DOT1L: variants seen among roughly 807,000 people sequenced by gnomAD.
DOT1L encodes histone-lysine N-methyltransferase, H3 lysine-79 specific.
Under a neutral mutation model 153.3 loss-of-function variants are expected in DOT1L, and 33 were observed. That is an observed-to-expected ratio of 0.22 (90% CI 0.16 to 0.29). DOT1L has a LOEUF of 0.29. Ranked by LOEUF, DOT1L falls within the 10% of genes least tolerant of loss-of-function variation. The pLI is 1.00. For missense variants in DOT1L, 1,847 were observed against 2,119.9 expected, an observed-to-expected ratio of 0.87 and a Z score of 2.53; for synonymous variants, 1,135 against 965.1, an observed-to-expected ratio of 1.18 and a Z score of -3.26.
intron 16 of DOT1L, 191 bp from the exon 17 acceptor site, chr19:2,213,348 C>A: frequency 1.8e-6 from 1 of 554,584 alleles, no homozygotes; most frequent in South Asian, 2.2e-5. Flanking sequence ...TGCAGTGAAC[C>A]TGATGCAGAG....
At chr19:2,216,070 C>T in intron 19 of DOT1L, 1 of 581,184 alleles carries the variant, frequency 1.7e-6, no homozygotes, top group Non-Finnish European at 2.9e-6. Context: ...GCTTCCATGT[C>T]AGCAAAAACC....
chr19:2,185,400 C>T (rs779544758), intron 2 of DOT1L, among the ~76,000 whole-genome samples: 7 of 152,144 alleles, frequency 4.6e-5, no homozygotes, highest in Admixed American at 3.3e-4. Context: ...TTTGAAGTCA[C>T]GCCTCCCTTC....
chr19:2,165,436 C>A (rs1427375321), intron 1 of DOT1L, among the ~76,000 whole-genome samples: 1 of 152,208 alleles, frequency 6.6e-6, no homozygotes, highest in African/African-American at 2.4e-5. Context: ...GGCCGCACGT[C>A]CCGCGCGCGG....
intron 2 of DOT1L, among the ~76,000 whole-genome samples, chr19:2,181,677 T>TC (rs987136133): frequency 6.6e-6 from 1 of 152,188 alleles, no homozygotes; most frequent in African/African-American, 2.4e-5. Flanking sequence ...GGGGCCCCTC[T>TC]GTTCTTTGTA....
intron 1 of DOT1L, among the ~76,000 whole-genome samples, chr19:2,173,998 G>C (rs764075146): frequency 5.9e-5 from 9 of 152,204 alleles, no homozygotes; most frequent in Non-Finnish European, 1.3e-4. Flanking sequence ...TGTCACCCGG[G>C]CTGGAGTATT....
In DOT1L at chr19:2,231,073, G is replaced by A. The variant is rs770229072; in HGVS notation, c.*1281G>A. 4.3e-6 allele frequency: 1 copy of A among 233,080 alleles called. No homozygotes were observed. Among genetic ancestry groups the A allele is most frequent in the Non-Finnish European group, 8.5e-6 (1 of 118,196 alleles). The allele number at this position is 233,080 out of a possible 1,614,324, so 14.4% of individuals were successfully genotyped here. ...TGTGGAAGGAGAGGAGCTGAGGCCG[G>A]GGTGTAGCAGGCAGGCAGGGCCACT... On this transcript the variant is annotated 3_prime_UTR_variant, in exon 28 of 28. Transcript: ENST00000398665.
chr19:2,216,027 T>G, intron 19 of DOT1L: 1 of 477,152 alleles, frequency 2.1e-6, no homozygotes, highest in Non-Finnish European at 3.7e-6. Flanking sequence ...CGAGAGCTCT[T>G]TGTATCTTCC....
chr19:2,216,808 C>T (rs2144870794), intron 20 of DOT1L, 43 bp downstream of exon 20: 3 of 1,561,500 alleles, frequency 1.9e-6, no homozygotes, highest in Non-Finnish European at 2.6e-6. Context: ...CTGGTACCTG[C>T]CGACTCTGCC....
At position 2,226,927 on chromosome 19, in the gene DOT1L, C is replaced by G; in HGVS notation, c.4406C>G (p.Pro1469Arg). 1 of 1,581,722 alleles carries G rather than the reference C, an allele frequency of 6.3e-7. No homozygotes were observed. Among genetic ancestry groups the G allele is most frequent in the Non-Finnish European group, 8.5e-7 (1 of 1,172,594 alleles). ...CACCGGTCCTTCCTGGGCCCCTTCC[C>G]GCCGGGACCGCAGTTCGCGCTCGGC... ...QTHRSFLGPF[P>R]PGPQFALGPM... The change falls in exon 27 of 28, where the codon CCG becomes CGG. Residue 1469 changes from proline (P) to arginine (R), a missense_variant. Pro to Arg is a moderately radical substitution (Grantham distance 103, BLOSUM62 -2). Transcript: ENST00000398665.
In DOT1L at chr19:2,222,123, C is replaced by G; in HGVS notation, c.2954C>G (p.Pro985Arg). The G allele has an allele frequency of 6.2e-7, 1 of 1,613,274 alleles. No homozygotes were observed. Among genetic ancestry groups the G allele is most frequent in the Non-Finnish European group, 8.5e-7 (1 of 1,179,900 alleles). Residue 985 changes from proline to arginine, a missense_variant, in exon 24 of 28, where the codon CCA becomes CGA. Physicochemically the swap from Pro to Arg is moderately radical, Grantham distance 103. Coordinates refer to ENST00000398665, the MANE Select transcript of DOT1L (RefSeq NM_032482.3). The surrounding 1 kb of genome is among the most constrained non-coding windows in gnomAD (Gnocchi z 6.5). ...ACCGTGGGGTCCCGCAGCTCCACGCCACAGCACCCCCTGCTGCTGGCACAG... is the reference window on the plus strand; with the variant it reads ...ACCGTGGGGTCCCGCAGCTCCACGCGACAGCACCCCCTGCTGCTGGCACAG... ...FATVGSRSST[P>R]QHPLLLAQPR... is the part of the protein sequence containing the mutation.
At chr19:2,189,634 A>T in intron 3 of DOT1L, 98 bp from the exon 4 acceptor site, 6 of 1,383,388 alleles carry the variant, frequency 4.3e-6, no homozygotes, top group African/African-American at 1.4e-5. Flanking sequence ...CCAGGCAGGG[A>T]CCACACCTTG....
chr19:2,203,045 C>T (rs908792893), intron 9 of DOT1L, among the ~76,000 whole-genome samples: 1 of 152,110 alleles, frequency 6.6e-6, no homozygotes, highest in Non-Finnish European at 1.5e-5. Context: ...CGTCAGTCTC[C>T]CGAGTAGCTG....
chr19:2,230,094 G>A lies in DOT1L; in HGVS notation c.*302G>A, dbSNP rs2024533116. The A allele has an allele frequency of 3.5e-6, 2 of 578,874 alleles. No individual in the cohort carries two copies. The highest frequency in any genetic ancestry group is 6.0e-6 in the Non-Finnish European group (2 of 330,632). The allele number at this position is 578,874 out of a possible 1,614,324, so 35.9% of individuals were successfully genotyped here. ...GAGAAATATAAATATCTATATATGAGAGCTCTATATAAAGACACGTGTCTG... is the reference window on the plus strand; with the variant it reads ...GAGAAATATAAATATCTATATATGAAAGCTCTATATAAAGACACGTGTCTG... On this transcript the variant is annotated 3_prime_UTR_variant, in exon 28 of 28. Transcript: ENST00000398665.
chr19:2,213,875 C>G lies in DOT1L; in HGVS notation c.1686C>G (p.Asn562Lys). 6.2e-7 allele frequency: 1 copy of G among 1,613,146 alleles called. No individual in the cohort carries two copies. The highest frequency in any genetic ancestry group is 8.5e-7 in the Non-Finnish European group (1 of 1,180,026). The stretch of plus-strand genomic sequence containing the variant: ...TGGGTGTGAAGGCGCTGACCTACAA[C>G]GACCTGATTCAAGCGCAGAAGGAGA... ...DELGVKALTYNDLIQAQKEIS... is the reference protein window; with the variant it reads ...DELGVKALTYKDLIQAQKEIS... The change falls in exon 18 of 28, where the codon AAC becomes AAG. Residue 562 changes from asparagine to lysine, a missense_variant. By Grantham distance (94) the Asn-to-Lys change is moderately conservative (BLOSUM62 0). Transcript: ENST00000398665.
rs755119397 is a variant in DOT1L at position 2,221,935 on chromosome 19, C to T, written c.2807-41C>T. On this transcript the variant is annotated intron_variant, in intron 23 of 27. Coordinates refer to ENST00000398665, the MANE Select transcript of DOT1L (RefSeq NM_032482.3). ...TCCCACAGCAAGGCTTTCTCTTTGGCCATCCTGTGTCCCCTGAGACCCCCA... is the reference window on the plus strand; with the variant it reads ...TCCCACAGCAAGGCTTTCTCTTTGGTCATCCTGTGTCCCCTGAGACCCCCA... 5.9e-6 allele frequency: 9 copies of T among 1,537,728 alleles called. 1 individual carries two copies. In the South Asian group the frequency reaches 8.6e-5, roughly 15 times the overall value.
In DOT1L at chr19:2,191,607, A is replaced by G. The variant is rs1403000977; in HGVS notation, c.493+367A>G. ...CTGGGCCCCAGCCCGGGCCCCACCC[A>G]CGGCTGCAGCCTGCCGCAGTCCTTC... On this transcript the variant is annotated intron_variant, in intron 5 of 27. Coordinates refer to ENST00000398665, the MANE Select transcript of DOT1L (RefSeq NM_032482.3). This position sits in a 1 kb window ranked among gnomAD's most constrained non-coding sequence, Gnocchi z 6.8. 6.6e-6 allele frequency among the ~76,000 whole-genome samples: 1 copy of G among 151,874 alleles called. No individual in the cohort carries two copies. Among genetic ancestry groups the G allele is most frequent in the Admixed American group, 6.6e-5 (1 of 15,256 alleles).
chr19:2,227,933 G>A lies in DOT1L; in HGVS notation c.4606+806G>A, dbSNP rs774103665. 1,389 of 639,304 alleles carry A rather than the reference G, an allele frequency of 2.2e-3. 9 individuals are homozygous for A. The African/African-American group carries it at 0.053, about 24-fold the overall frequency. The allele number at this position is 639,304 out of a possible 1,614,324, so 39.6% of individuals were successfully genotyped here. On this transcript the variant is annotated intron_variant, in intron 27 of 27. Transcript: ENST00000398665. ...CTCCGCCTCCGCCTCCGCCTCCCCC[G>A]CTGCCCCCGCCTGCGCACCTGGGCC...
At chr19:2,165,986 G>C (rs2079564488) in intron 1 of DOT1L, among the ~76,000 whole-genome samples, 1 of 152,084 alleles carries the variant, frequency 6.6e-6, no homozygotes, top group South Asian at 2.1e-4. Flanking sequence ...TAGCCAGGAT[G>C]GTCTCGATCT....
In DOT1L at chr19:2,191,097, A is replaced by G; in HGVS notation, c.350A>G (p.His117Arg). 2 of 1,613,170 alleles carry G rather than the reference A, an allele frequency of 1.2e-6. No individual in the cohort carries two copies. Among genetic ancestry groups the G allele is most frequent in the Non-Finnish European group, 1.7e-6 (2 of 1,179,850 alleles). The change falls in exon 5 of 28, where the codon CAC (histidine) becomes CGC (arginine). Residue 117 changes from histidine (H) to arginine (R), a missense_variant. Physicochemically the swap from His to Arg is conservative, Grantham distance 29. Coordinates refer to ENST00000398665, the MANE Select transcript of DOT1L (RefSeq NM_032482.3). This position sits in a 1 kb window ranked among gnomAD's most constrained non-coding sequence, Gnocchi z 6.8. Reference sequence around the variant, plus strand: ...CATATCCTGCAGCAGGTCTACAACCACTCGGTGACCGACCCCGAGAAGCTC... The same window carrying G: ...CATATCCTGCAGCAGGTCTACAACCGCTCGGTGACCGACCCCGAGAAGCTC... ...LRHILQQVYN[H>R]SVTDPEKLNN...
Sources: allele counts gnomAD v4.1 joint callset (sites outside exome capture counted in the v4.1 genomes callset), GRCh38; gene constraint gnomAD v4.1.1; non-coding constraint Gnocchi (gnomAD v3.1); transcripts MANE v1.5; gene names NCBI Gene and HGNC (gene_info 2026-07-23, HGNC 2026-07-21).